The following RAPGEF4 variants were observed in gnomAD, a reference collection of about 807,000 sequenced individuals.
RAPGEF4 encodes RAP guanine-nucleotide-exchange factor (GEF) 4.
RAPGEF4 carries 66 observed loss-of-function variants against 147.9 expected under a neutral mutation model. The ratio of observed to expected loss-of-function variants is 0.45; its 90% CI spans 0.37 to 0.55. RAPGEF4 has a LOEUF of 0.55. Among genes scored for constraint, RAPGEF4 ranks in the 20% least tolerant of loss-of-function variants. The pLI, the probability that RAPGEF4 is intolerant of heterozygous loss-of-function variation, is 0.00. For synonymous variants in RAPGEF4, 419 were observed against 442.7 expected, an observed-to-expected ratio of 0.95 and a Z score of 0.67; for missense variants, 1,071 against 1,257.3, an observed-to-expected ratio of 0.85 and a Z score of 2.24.
At chr2:172,749,932 C>G (rs1203774315) in intron 1 of RAPGEF4, among the ~76,000 whole-genome samples, 1 of 152,162 alleles carries the variant, frequency 6.6e-6, no homozygotes, top group Non-Finnish European at 1.5e-5. Context: ...AAAATGCTGC[C>G]AGTTTCTTTG....
chr2:172,891,852 T>C (rs1697954426), intron 4 of RAPGEF4, among the ~76,000 whole-genome samples: 1 of 152,234 alleles, frequency 6.6e-6, no homozygotes, highest in Non-Finnish European at 1.5e-5. Context: ...TTGCTGTCAT[T>C]GGTAGTGGGT....
At chr2:172,864,320 C>G (rs1559083369) in intron 4 of RAPGEF4, among the ~76,000 whole-genome samples, 1 of 152,158 alleles carries the variant, frequency 6.6e-6, no homozygotes, top group South Asian at 2.1e-4. Flanking sequence ...GAGCACTGGA[C>G]ATTGAAGGAG....
At chr2:172,834,595 A>G (rs1690718651) in intron 4 of RAPGEF4, among the ~76,000 whole-genome samples, 1 of 152,184 alleles carries the variant, frequency 6.6e-6, no homozygotes, top group South Asian at 2.1e-4. Context: ...ATAAAATCCC[A>G]AGCAACTGCT....
intron 4 of RAPGEF4, among the ~76,000 whole-genome samples, chr2:172,910,232 C>G (rs1236375468): frequency 6.6e-6 from 1 of 152,226 alleles, no homozygotes; most frequent in Non-Finnish European, 1.5e-5. Flanking sequence ...CCTTGAAAAC[C>G]TAGAATCCTT....
rs1228469267 is a variant in RAPGEF4, at chr2:172,960,780, C to T, written c.558C>T (p.His186=). 3.7e-6 allele frequency: 6 copies of T among 1,606,330 alleles called. No individual in the cohort carries two copies. The highest frequency in any genetic ancestry group is 1.6e-4 in the Middle Eastern group (1 of 6,070). ...TTCAGACACCTCTCATTGAACCTCACGTTCCTCTTCGTCCTGCTAACACCA... is the reference window on the plus strand; with the variant it reads ...TTCAGACACCTCTCATTGAACCTCATGTTCCTCTTCGTCCTGCTAACACCA... ...DKENTPLIEP[H]VPLRPANTIT... The change falls in exon 7 of 31, where the codon CAC becomes CAT. Residue 186 remains histidine, a synonymous_variant. Transcript: ENST00000397081.
chr2:172,889,921 C>T (rs940990175), intron 4 of RAPGEF4: 5 of 666,178 alleles, frequency 7.5e-6, no homozygotes, highest in African/African-American at 5.9e-5. Flanking sequence ...TATCTACCAG[C>T]GTCTGGGAAT....
Position 172,816,137 on chromosome 2 carries a change from A to G in RAPGEF4, c.444+1712A>G, listed in dbSNP as rs188543626. The stretch of plus-strand genomic sequence containing the variant: ...AAACAATAATATCCTAATATTATCT[A>G]ATACCCAGTCTATATTTCAAATGTC... On this transcript the variant is annotated intron_variant, in intron 4 of 30. Transcript: ENST00000397081. Among the ~76,000 whole-genome samples the G allele has an allele frequency of 1.4e-4, 22 of 152,278 alleles. No homozygotes were observed. The East Asian group carries it at 4.2e-3, about 29-fold the overall frequency.
chr2:173,026,435 C>A, intron 23 of RAPGEF4, 137 bp from the exon 24 acceptor site: 1 of 907,436 alleles, frequency 1.1e-6, no homozygotes, highest in Non-Finnish European at 1.6e-6. Flanking sequence ...GCAGAGGCAT[C>A]TCTCCTCAGA....
chr2:172,919,539 G>A (rs2676514), intron 5 of RAPGEF4, among the ~76,000 whole-genome samples: 10,284 of 152,034 alleles, frequency 0.068, 410 homozygotes, highest in Middle Eastern at 0.15. Flanking sequence ...TTCTTCCCCC[G>A]CTTATGGAAG....
chr2:172,983,670 A>G, intron 11 of RAPGEF4, 90 bp downstream of exon 11: 1 of 1,515,842 alleles, frequency 6.6e-7, no homozygotes, highest in African/African-American at 1.4e-5. Context: ...TTGTGGGGGG[A>G]AAGAATGTCT....
chr2:173,027,541 G>A (rs2105957201), intron 25 of RAPGEF4, among the ~76,000 whole-genome samples: 1 of 152,298 alleles, frequency 6.6e-6, no homozygotes, highest in African/African-American at 2.4e-5. Flanking sequence ...GCCTCCTTTA[G>A]TTTAAAATTC....
intron 19 of RAPGEF4, 74 bp from the exon 20 acceptor site, chr2:173,017,100 A>T: frequency 1.5e-6 from 2 of 1,369,136 alleles, no homozygotes; most frequent in Admixed American, 1.7e-5. Flanking sequence ...CTAACATAAG[A>T]TTAGTTATAT....
intron 6 of RAPGEF4, among the ~76,000 whole-genome samples, chr2:172,957,047 T>C (rs1460329948): frequency 1.3e-5 from 2 of 152,190 alleles, no homozygotes; most frequent in Admixed American, 1.3e-4. Flanking sequence ...GAAATAGACC[T>C]GGAGTCTACT....
chr2:173,044,341 G>T (rs1421028917), intron 29 of RAPGEF4, among the ~76,000 whole-genome samples: 1 of 152,118 alleles, frequency 6.6e-6, no homozygotes, highest in African/African-American at 2.4e-5. Flanking sequence ...GGTTTGGGCT[G>T]GTTTCTTTGC....
chr2:173,037,155 G>A (rs553986533), intron 29 of RAPGEF4, among the ~76,000 whole-genome samples: 2 of 152,338 alleles, frequency 1.3e-5, no homozygotes, highest in South Asian at 4.1e-4. Flanking sequence ...GTTCGCTCAA[G>A]TTCAGAGAAG....
rs71018521 is a variant in RAPGEF4, at chr2:172,831,266, C to CTTTTTTTTTTTTTTTTTTTTTGTTTTTT, written c.444+16860_444+16861insTTGTTTTTTTTTTTTTTTTTTTTTTTTT. Among the ~76,000 whole-genome samples the CTTTTTTTTTTTTTTTTTTTTTGTTTTTT allele has an allele frequency of 5.6e-5, 3 of 53,876 alleles. 1 individual carries two copies. Among genetic ancestry groups the CTTTTTTTTTTTTTTTTTTTTTGTTTTTT allele is most frequent in the Non-Finnish European group, 1.1e-4 (3 of 28,100 alleles). The allele number at this position is 53,876 out of a possible 152,430, so 35.3% of individuals were successfully genotyped here. A position where few individuals can be genotyped will look rare whatever the true frequency, so the allele number is the denominator to read the frequency against. The stretch of plus-strand genomic sequence containing the variant: ...AAATGTGACTGTTTCAGATAGAAAA[C>CTTTTTTTTTTTTTTTTTTTTTGTTTTTT]TTTTTTTTTTTTTTTTTTTGAGACA... On this transcript the variant is annotated intron_variant, in intron 4 of 30. Coordinates refer to ENST00000397081, the MANE Select transcript of RAPGEF4 (RefSeq NM_007023.4).
At chr2:172,805,713 C>T in intron 3 of RAPGEF4, among the ~76,000 whole-genome samples, 1 of 152,182 alleles carries the variant, frequency 6.6e-6, no homozygotes, top group Admixed American at 6.5e-5. Context: ...CTGTCCCCAC[C>T]TTCAGTCTCT....
intron 4 of RAPGEF4, among the ~76,000 whole-genome samples, chr2:172,849,013 G>C (rs982281581): frequency 6.6e-6 from 1 of 151,772 alleles, no homozygotes; most frequent in African/African-American, 2.4e-5. Flanking sequence ...TATAGCAGAG[G>C]GCTTTAGAAA....
chr2:172,995,136 T>C (rs766294109), intron 15 of RAPGEF4, among the ~76,000 whole-genome samples: 2 of 152,086 alleles, frequency 1.3e-5, no homozygotes, highest in Non-Finnish European at 2.9e-5. Flanking sequence ...ACTCTTGGGA[T>C]CTCAACACAC....
Sources: allele counts gnomAD v4.1 joint callset (sites outside exome capture counted in the v4.1 genomes callset), GRCh38; gene constraint gnomAD v4.1.1; transcripts MANE v1.5; gene names NCBI Gene and HGNC (gene_info 2026-07-23, HGNC 2026-07-21).